The following IL12RB2 variants were observed in gnomAD, a reference collection of about 807,000 sequenced individuals.
IL12RB2 encodes the protein interleukin 12 receptor subunit beta 2.
In IL12RB2, 82 loss-of-function variants were observed where a neutral mutation model predicts 89.4. The observed-to-expected ratio is 0.92, with a 90% CI of 0.77 to 1.10. The LOEUF (loss-of-function observed/expected upper bound fraction) is 1.10, where lower values mean the gene tolerates loss of function less well. IL12RB2 is among the 50% of genes least tolerant of loss of function. The probability of loss-of-function intolerance (pLI) is 0.00; values close to 1 mark genes in which losing one functional copy is unlikely to be tolerated. For missense variants in IL12RB2, 963 were observed against 1,031.9 expected, an observed-to-expected ratio of 0.93 and a Z score of 0.92; for synonymous variants, 368 against 370.1, an observed-to-expected ratio of 0.99 and a Z score of 0.07.
intron 4 of IL12RB2, among the ~76,000 whole-genome samples, chr1:67,326,121 A>C (rs1017043191): frequency 3.3e-5 from 5 of 152,268 alleles, no homozygotes; most frequent in Non-Finnish European, 7.3e-5. Flanking sequence ...TTTAGATGGT[A>C]TAGCCCGGGA....
Position 67,367,992 on chromosome 1 carries a change from A to T in IL12RB2, c.1426A>T (p.Ser476Cys). 1.9e-6 allele frequency: 3 copies of T among 1,609,376 alleles called. No individual in the cohort carries two copies. The highest frequency in any genetic ancestry group is 2.6e-6 in the Non-Finnish European group (3 of 1,175,700). The part of the protein sequence containing the change: ...DTQVPLNWLR[S>C]RPYNVSALIS... ...ACAGGTCCCTCTAAACTGGCTACGG[A>T]GTCGACCCTACAATGTGTCTGCTCT... is the stretch of plus-strand genomic sequence containing the variant. Residue 476 changes from serine (S) to cysteine (C), a missense_variant, in exon 11 of 17, where the codon AGT becomes TGT. Coordinates refer to ENST00000674203, the MANE Select transcript of IL12RB2 (RefSeq NM_001374259.2).
rs199979874 is a variant in IL12RB2, at chr1:67,350,917, G to C, written c.1086G>C (p.Val362=). 17 of 1,614,068 alleles carry C rather than the reference G, an allele frequency of 1.1e-5. No homozygotes were observed. In the South Asian group the frequency reaches 1.8e-4, roughly 17 times the overall value. The change falls in exon 10 of 17, where the codon GTG becomes GTC. Residue 362 remains valine, a synonymous_variant. Coordinates refer to ENST00000674203, the MANE Select transcript of IL12RB2 (RefSeq NM_001374259.2). Reference sequence around the variant, plus strand: ...GAGGAAAAATTCTCCACTATCAGGTGACCTTGCAGGAGCTGACAGGAGGGA... The same window carrying C: ...GAGGAAAAATTCTCCACTATCAGGTCACCTTGCAGGAGCTGACAGGAGGGA... The part of the protein sequence containing the change: ...EARGKILHYQ[V]TLQELTGGKA...
intron 7 of IL12RB2, 30 bp from the exon 8 acceptor site, chr1:67,330,630 T>A: frequency 9.1e-7 from 1 of 1,099,538 alleles, no homozygotes; most frequent in Non-Finnish European, 1.4e-6. Flanking sequence ...CTAGTATTAA[T>A]AGGCACTTTA....
intron 13 of IL12RB2, 125 bp downstream of exon 13, chr1:67,372,908 C>G (rs907344974): frequency 2.0e-5 from 15 of 753,120 alleles, no homozygotes; most frequent in African/African-American, 1.0e-4. Context: ...AGTAAGTACT[C>G]CATAAATACT....
chr1:67,336,489 C>A (rs560008632), intron 8 of IL12RB2, among the ~76,000 whole-genome samples: 2 of 152,126 alleles, frequency 1.3e-5, no homozygotes, highest in East Asian at 3.9e-4. Context: ...TCTTCATATT[C>A]CTGGAGAATT....
intron 15 of IL12RB2, among the ~76,000 whole-genome samples, chr1:67,386,876 A>T (rs1369182891): frequency 9.6e-4 from 22 of 22,904 alleles, no homozygotes; most frequent in Non-Finnish European, 2.3e-3. Flanking sequence ...TGTATTTTAT[A>T]TATATATATA....
intron 8 of IL12RB2, among the ~76,000 whole-genome samples, chr1:67,331,379 T>C (rs1658052121): frequency 6.6e-6 from 1 of 152,204 alleles, no homozygotes; most frequent in South Asian, 2.1e-4. Context: ...GGATATCAAA[T>C]GTGTTTTTCA....
intron 10 of IL12RB2, among the ~76,000 whole-genome samples, chr1:67,367,183 AG>A (rs1467627602): frequency 6.6e-6 from 1 of 152,056 alleles, no homozygotes; most frequent in African/African-American, 2.4e-5. Flanking sequence ...ACTTGAGCCC[AG>A]GAGTTTGAGA....
At chr1:67,319,187 A>G (rs893037790) in intron 2 of IL12RB2, among the ~76,000 whole-genome samples, 1 of 152,226 alleles carries the variant, frequency 6.6e-6, no homozygotes, top group African/African-American at 2.4e-5. Flanking sequence ...TATGGGGTTA[A>G]GAGGTAAACT....
chr1:67,316,215 G>A (rs1399454398), intron 2 of IL12RB2, among the ~76,000 whole-genome samples: 1 of 151,678 alleles, frequency 6.6e-6, no homozygotes, highest in East Asian at 1.9e-4. Context: ...TATGGTACGT[G>A]CTAAGATAGG....
intron 10 of IL12RB2, among the ~76,000 whole-genome samples, chr1:67,360,880 T>G (rs1253419271): frequency 6.6e-6 from 1 of 152,118 alleles, no homozygotes; most frequent in Non-Finnish European, 1.5e-5. Context: ...GCTGAACTAT[T>G]GGAGTTTTAT....
At chr1:67,328,178 C>A in intron 5 of IL12RB2, 22 bp from the exon 6 acceptor site, 1 of 1,511,974 alleles carries the variant, frequency 6.6e-7, no homozygotes, top group Non-Finnish European at 9.2e-7. Flanking sequence ...TGTTGCTACA[C>A]GTGGTTGTGT....
At chr1:67,344,844 T>C (rs1432017521) in intron 9 of IL12RB2, among the ~76,000 whole-genome samples, 1 of 152,158 alleles carries the variant, frequency 6.6e-6, no homozygotes, top group South Asian at 2.1e-4. Context: ...CCCTCCCATA[T>C]TCAACAGCAC....
chr1:67,347,469 C>T (rs921824017), intron 9 of IL12RB2, among the ~76,000 whole-genome samples: 2 of 152,154 alleles, frequency 1.3e-5, no homozygotes, highest in Admixed American at 1.3e-4. Flanking sequence ...AGATGCATTG[C>T]ATTCTGAAAT....
intron 10 of IL12RB2, among the ~76,000 whole-genome samples, chr1:67,363,208 CTTATTT>C (rs1557448289): frequency 8.2e-6 from 1 of 122,116 alleles, no homozygotes; most frequent in Non-Finnish European, 1.7e-5. Context: ...GCCAATTATT[CTTATTT>C]TTTTTTTTTT....
At chr1:67,330,576 T>TG (rs1657937016) in intron 7 of IL12RB2, 84 bp from the exon 8 acceptor site, 1 of 505,666 alleles carries the variant, frequency 2.0e-6, no homozygotes, top group Non-Finnish European at 3.3e-6. Flanking sequence ...ATAGCCTGGG[T>TG]TTTTTTTTTT....
intron 10 of IL12RB2, among the ~76,000 whole-genome samples, chr1:67,362,261 ACT>A (rs1173399376): frequency 3.5e-5 from 5 of 141,730 alleles, no homozygotes; most frequent in African/African-American, 1.3e-4. Context: ...ACAAAGTTAG[ACT>A]CTGTCTCAAA....
chr1:67,376,095 C>CCGCT (rs1663956574), intron 13 of IL12RB2, among the ~76,000 whole-genome samples: 1 of 152,058 alleles, frequency 6.6e-6, no homozygotes, highest in Non-Finnish European at 1.5e-5. Flanking sequence ...ATCTGCCCAT[C>CCGCT]TCGGCCTCCC....
At chr1:67,389,863 G>C (rs145458844) in intron 15 of IL12RB2, among the ~76,000 whole-genome samples, 166 bp from the exon 16 acceptor site, 1 of 152,294 alleles carries the variant, frequency 6.6e-6, no homozygotes, top group African/African-American at 2.4e-5. Flanking sequence ...TAATTTTACA[G>C]AAAACTACCG....
Sources: allele counts gnomAD v4.1 joint callset (sites outside exome capture counted in the v4.1 genomes callset), GRCh38; gene constraint gnomAD v4.1.1; transcripts MANE v1.5; gene names NCBI Gene and HGNC (gene_info 2026-07-23, HGNC 2026-07-21).